The following CDH13 variants were observed in gnomAD, a reference collection of about 807,000 sequenced individuals.
CDH13 encodes the protein cadherin 13.
CDH13 carries 24 observed loss-of-function variants against 63.8 expected under a neutral mutation model. That is an observed-to-expected ratio of 0.38 (90% CI 0.27 to 0.53). CDH13 has a LOEUF of 0.53. Among genes scored for constraint, CDH13 ranks in the 20% least tolerant of loss-of-function variants. The pLI is 0.85. For synonymous variants in CDH13, 503 were observed against 355.3 expected (o/e 1.42, Z -4.67); for missense variants, 1,049 against 903.1 (o/e 1.16, Z -2.07).
rs577466338 is a variant in CDH13, at chr16:82,986,111, T to C, written c.158-45899T>C. On this transcript the variant is annotated intron_variant, in intron 2 of 13. Transcript: ENST00000567109. ...GAATGGACTAATACAGTAATACTCT[T>C]ACACTTATTGTAGAGATGTTGTGGG... Among the ~76,000 whole-genome samples, 4 of 152,348 alleles carry C rather than the reference T, an allele frequency of 2.6e-5. No homozygotes were observed. The East Asian group carries it at 7.7e-4, about 29-fold the overall frequency.
intron 4 of CDH13, among the ~76,000 whole-genome samples, chr16:83,207,907 C>T (rs1484027091): frequency 6.6e-6 from 1 of 152,098 alleles, no homozygotes; most frequent in Non-Finnish European, 1.5e-5. Context: ...TCTTAAGAGT[C>T]TGCTATATAA....
At chr16:83,554,350 T>G (rs145592769) in intron 7 of CDH13, among the ~76,000 whole-genome samples, 3 of 151,562 alleles carry the variant, frequency 2.0e-5, no homozygotes, top group African/African-American at 7.3e-5. Context: ...GAAGAAGAGA[T>G]AGGAAAACAA....
chr16:83,736,300 G>C (rs528270194), intron 10 of CDH13, among the ~76,000 whole-genome samples: 1 of 152,282 alleles, frequency 6.6e-6, no homozygotes, highest in East Asian at 1.9e-4. Context: ...CTGGATTTCA[G>C]AAATCGGATA....
chr16:83,557,081 C>T (rs571112374), intron 7 of CDH13, among the ~76,000 whole-genome samples: 1 of 152,320 alleles, frequency 6.6e-6, no homozygotes, highest in Non-Finnish European at 1.5e-5. Context: ...CCCATTACTT[C>T]CTGAGCTCCT....
intron 2 of CDH13, among the ~76,000 whole-genome samples, chr16:82,889,571 A>C (rs1164742694): frequency 1.3e-5 from 2 of 152,178 alleles, no homozygotes; most frequent in Non-Finnish European, 2.9e-5. Context: ...CAATTTTTCC[A>C]TGTATCTGGT....
chr16:82,761,376 G>A (rs552706410), intron 1 of CDH13, among the ~76,000 whole-genome samples: 1 of 152,192 alleles, frequency 6.6e-6, no homozygotes, highest in Non-Finnish European at 1.5e-5. Flanking sequence ...CAACCAGTAG[G>A]ATAAATACTA....
chr16:82,788,540 T>C (rs2036134571), intron 1 of CDH13, among the ~76,000 whole-genome samples: 1 of 152,212 alleles, frequency 6.6e-6, no homozygotes, highest in African/African-American at 2.4e-5. Flanking sequence ...ACTGAATTAG[T>C]TCTTTGTGTT....
chr16:82,741,887 A>G (rs895051809), intron 1 of CDH13, among the ~76,000 whole-genome samples: 1 of 152,200 alleles, frequency 6.6e-6, no homozygotes, highest in Non-Finnish European at 1.5e-5. Context: ...CTCTTTCTCA[A>G]GTACTTAAAT....
At chr16:83,132,452 C>A (rs535800375) in intron 4 of CDH13, among the ~76,000 whole-genome samples, 1,074 of 96,846 alleles carry the variant, frequency 0.011, 25 homozygotes, top group African/African-American at 0.046. Flanking sequence ...AACACCCCCC[C>A]CTTTTTTTTT....
intron 6 of CDH13, among the ~76,000 whole-genome samples, chr16:83,428,619 G>C (rs1311893317): frequency 6.6e-6 from 1 of 152,202 alleles, no homozygotes; most frequent in South Asian, 2.1e-4. Flanking sequence ...TTGGCATGTA[G>C]AGAGGATGAG....
At chr16:82,880,720 A>G (rs79881207) in intron 2 of CDH13, among the ~76,000 whole-genome samples, 6,331 of 152,242 alleles carry the variant, frequency 0.042, 164 homozygotes, top group Middle Eastern at 0.14. Flanking sequence ...TTATACATCA[A>G]TATGCTGGTA....
At chr16:82,791,117 G>T (rs1026044338) in intron 1 of CDH13, among the ~76,000 whole-genome samples, 4 of 151,976 alleles carry the variant, frequency 2.6e-5, no homozygotes, top group African/African-American at 9.7e-5. Context: ...GGTGCCTGCA[G>T]TTCCAGCTAC....
intron 7 of CDH13, among the ~76,000 whole-genome samples, chr16:83,523,321 G>A (rs942918171): frequency 1.1e-4 from 17 of 152,346 alleles, no homozygotes; most frequent in African/African-American, 4.1e-4. Flanking sequence ...ATGGAAGAAA[G>A]CAAGGTTGTC....
At chr16:83,730,808 C>G (rs1052470676) in intron 10 of CDH13, among the ~76,000 whole-genome samples, 13 of 152,142 alleles carry the variant, frequency 8.5e-5, no homozygotes, top group African/African-American at 2.7e-4. Flanking sequence ...ACCCTTACAC[C>G]CCTTCCATGC....
chr16:83,114,814 C>A (rs1052772118), intron 3 of CDH13, among the ~76,000 whole-genome samples: 1 of 152,168 alleles, frequency 6.6e-6, no homozygotes. Flanking sequence ...CCAGGTACTT[C>A]AAAGCTGGCT....
intron 5 of CDH13, among the ~76,000 whole-genome samples, chr16:83,306,766 G>A (rs2089890481): frequency 6.6e-6 from 1 of 152,090 alleles, no homozygotes; most frequent in South Asian, 2.1e-4. Context: ...TAAGAAATGT[G>A]GGTTGTATCC....
chr16:82,632,277 T>TC (rs1908106872), intron 1 of CDH13, among the ~76,000 whole-genome samples: 1 of 152,214 alleles, frequency 6.6e-6, no homozygotes, highest in Non-Finnish European at 1.5e-5. Flanking sequence ...ATGTTGAGGT[T>TC]TGATCAAATT....
At chr16:83,462,727 G>T (rs2073212183) in intron 6 of CDH13, among the ~76,000 whole-genome samples, 1 of 152,224 alleles carries the variant, frequency 6.6e-6, no homozygotes, top group African/African-American at 2.4e-5. Context: ...CTGCACTCCA[G>T]CCTGGGTGAC....
intron 2 of CDH13, among the ~76,000 whole-genome samples, chr16:82,949,852 A>T (rs972032942): frequency 7.9e-5 from 12 of 152,126 alleles, no homozygotes; most frequent in African/African-American, 2.7e-4. Flanking sequence ...ACAGTGACTG[A>T]TAAAAGCCAG....
Sources: allele counts gnomAD v4.1 joint callset (sites outside exome capture counted in the v4.1 genomes callset), GRCh38; gene constraint gnomAD v4.1.1; transcripts MANE v1.5; gene names NCBI Gene and HGNC (gene_info 2026-07-23, HGNC 2026-07-21).